SLC39A8: variants seen among roughly 807,000 people sequenced by gnomAD.
SLC39A8 encodes metal cation symporter ZIP8.
A neutral mutation model predicts 40.4 loss-of-function variants in SLC39A8; 15 were observed. The ratio of observed to expected loss-of-function variants is 0.37; its 90% CI spans 0.25 to 0.57. The LOEUF (loss-of-function observed/expected upper bound fraction) is 0.57, where lower values mean the gene tolerates loss of function less well. SLC39A8 is among the 20% of genes least tolerant of loss of function. SLC39A8 has a pLI of 0.75. For synonymous variants in SLC39A8, 223 were observed against 221.6 expected (o/e 1.01, Z -0.06); for missense variants, 472 against 558.8 (o/e 0.84, Z 1.57).
intron 2 of SLC39A8, among the ~76,000 whole-genome samples, chr4:102,327,444 C>T (rs1735262669): frequency 1.3e-5 from 2 of 152,122 alleles, no homozygotes; most frequent in African/African-American, 2.4e-5. Flanking sequence ...TCCCATGACC[C>T]CTGCCTAGAA....
intron 3 of SLC39A8, among the ~76,000 whole-genome samples, chr4:102,313,590 C>G: frequency 6.6e-6 from 1 of 151,950 alleles, no homozygotes; most frequent in East Asian, 1.9e-4. Flanking sequence ...AGAACAGCAT[C>G]TTTATTTTTA....
At chr4:102,300,651 C>CT (rs1733884547) in intron 6 of SLC39A8, among the ~76,000 whole-genome samples, 1 of 151,860 alleles carries the variant, frequency 6.6e-6, no homozygotes, top group South Asian at 2.1e-4. Flanking sequence ...TTTGGAAAAA[C>CT]TTTGTTGAAG....
intron 2 of SLC39A8, among the ~76,000 whole-genome samples, chr4:102,322,431 T>C (rs1390437827): frequency 6.6e-6 from 1 of 152,216 alleles, no homozygotes; most frequent in African/African-American, 2.4e-5. Context: ...CATAAAGTAA[T>C]TATTTAAAAG....
chr4:102,304,531 C>T (rs1420033823), intron 5 of SLC39A8, 50 bp from the exon 6 acceptor site: 3 of 1,481,366 alleles, frequency 2.0e-6, no homozygotes, highest in Admixed American at 3.8e-5. Context: ...AAAGATGATT[C>T]ATACAGACAA....
intron 6 of SLC39A8, among the ~76,000 whole-genome samples, chr4:102,296,746 C>A (rs1733692906): frequency 6.6e-6 from 1 of 152,060 alleles, no homozygotes; most frequent in Non-Finnish European, 1.5e-5. Context: ...AGAAGAAGCA[C>A]CAGGAAAGTA....
intron 2 of SLC39A8, among the ~76,000 whole-genome samples, chr4:102,342,273 G>T (rs1032002073): frequency 3.3e-5 from 5 of 152,186 alleles, no homozygotes; most frequent in Non-Finnish European, 7.3e-5. Context: ...GACCGAGGCC[G>T]GCGGATCACC....
intron 2 of SLC39A8, among the ~76,000 whole-genome samples, chr4:102,333,596 A>T (rs575634860): frequency 6.6e-6 from 1 of 152,338 alleles, no homozygotes; most frequent in African/African-American, 2.4e-5. Context: ...AAAGGTTTTG[A>T]TGGAGAAAGA....
intron 3 of SLC39A8, among the ~76,000 whole-genome samples, chr4:102,314,816 T>C (rs1734587859): frequency 6.6e-6 from 1 of 152,162 alleles, no homozygotes; most frequent in Non-Finnish European, 1.5e-5. Context: ...AACTATGTTG[T>C]TTATTTGCTT....
At chr4:102,324,628 C>A (rs1019960350) in intron 2 of SLC39A8, among the ~76,000 whole-genome samples, 1 of 152,086 alleles carries the variant, frequency 6.6e-6, no homozygotes, top group Non-Finnish European at 1.5e-5. Context: ...ACATATTTAC[C>A]GAGCACTACT....
chr4:102,272,913 C>G (rs1478080524), intron 6 of SLC39A8, among the ~76,000 whole-genome samples: 1 of 152,098 alleles, frequency 6.6e-6, no homozygotes, highest in Non-Finnish European at 1.5e-5. Context: ...GCTCTCCAGC[C>G]CAGATACTAT....
chr4:102,298,220 C>T (rs560474012), intron 6 of SLC39A8, among the ~76,000 whole-genome samples: 1 of 151,998 alleles, frequency 6.6e-6, no homozygotes, highest in African/African-American at 2.4e-5. Context: ...AAGTATACTT[C>T]ATATCAGTGA....
chr4:102,274,912 T>C (rs544329622), intron 6 of SLC39A8, among the ~76,000 whole-genome samples: 1 of 152,296 alleles, frequency 6.6e-6, no homozygotes, highest in African/African-American at 2.4e-5. Context: ...TGAGGGATTT[T>C]GTCACCACCA....
intron 6 of SLC39A8, among the ~76,000 whole-genome samples, chr4:102,283,219 A>G (rs1732982848): frequency 6.6e-6 from 1 of 152,228 alleles, no homozygotes; most frequent in African/African-American, 2.4e-5. Context: ...CATCCTGATT[A>G]CAGAGGAAAT....
rs968075335 is a variant in SLC39A8, at chr4:102,344,597, C to A, written c.66G>T (p.Ala22=). 10 of 1,543,506 alleles carry A rather than the reference C, an allele frequency of 6.5e-6. No individual in the cohort carries two copies. Among genetic ancestry groups the A allele is most frequent in the South Asian group, 1.2e-5 (1 of 82,762 alleles). ...CGCTGAAGGCTAGCCCTGGCCCCTC[C>A]GCCACTCCTCCGAGGCCGGCGGCCG... The part of the protein sequence containing the change: ...LLAAAGLGGV[A]EGPGLAFSED... The change falls in exon 2 of 9, where the codon GCG becomes GCT. Residue 22 remains alanine (A), a synonymous_variant. Transcript: ENST00000356736.
intron 6 of SLC39A8, among the ~76,000 whole-genome samples, chr4:102,271,426 T>C (rs1434303866): frequency 6.6e-6 from 1 of 152,214 alleles, no homozygotes; most frequent in Non-Finnish European, 1.5e-5. Context: ...GTTTGCTTAA[T>C]GGACCCACAT....
chr4:102,325,820 G>A (rs1735172976), intron 2 of SLC39A8, among the ~76,000 whole-genome samples: 2 of 152,120 alleles, frequency 1.3e-5, no homozygotes, highest in Non-Finnish European at 2.9e-5. Flanking sequence ...AAGGCAGGCT[G>A]GAATTCTTAG....
At chr4:102,340,590 G>A (rs1403552790) in intron 2 of SLC39A8, among the ~76,000 whole-genome samples, 1 of 152,188 alleles carries the variant, frequency 6.6e-6, no homozygotes, top group Non-Finnish European at 1.5e-5. Flanking sequence ...GGACTTTGAA[G>A]CCACTCTAAG....
At chr4:102,338,328 A>C (rs1025829139) in intron 2 of SLC39A8, among the ~76,000 whole-genome samples, 2 of 151,592 alleles carry the variant, frequency 1.3e-5, no homozygotes, top group African/African-American at 4.9e-5. Flanking sequence ...CTGGGACTAC[A>C]GGCACCCACC....
At position 102,263,027 on chromosome 4, in the gene SLC39A8, C is replaced by A; in HGVS notation, c.*17G>T. The A allele has an allele frequency of 6.3e-7, 1 of 1,592,514 alleles. No individual in the cohort carries two copies. The highest frequency in any genetic ancestry group is 8.6e-7 in the Non-Finnish European group (1 of 1,167,222). ...CTATTAAATGCCTTTATTAACAACA[C>A]CATCTTCCATTTTCTATTACTCCAA... On this transcript the variant is annotated 3_prime_UTR_variant, in exon 9 of 9. Coordinates refer to ENST00000356736, the MANE Select transcript of SLC39A8 (RefSeq NM_001135146.2).
Sources: allele counts gnomAD v4.1 joint callset (sites outside exome capture counted in the v4.1 genomes callset), GRCh38; gene constraint gnomAD v4.1.1; transcripts MANE v1.5; gene names NCBI Gene and HGNC (gene_info 2026-07-23, HGNC 2026-07-21).